PBX1: variants seen among roughly 807,000 people sequenced by gnomAD.
The protein encoded by PBX1 is pre-B-cell leukemia transcription factor 1.
PBX1 carries 6 observed loss-of-function variants against 53.4 expected under a neutral mutation model. The observed-to-expected ratio is 0.11, with a 90% CI of 0.06 to 0.22. The LOEUF is 0.22. Among genes scored for constraint, PBX1 ranks in the 10% least tolerant of loss-of-function variants. The pLI is 1.00. For missense variants in PBX1, 251 were observed against 551.4 expected (o/e 0.46, Z 5.46); for synonymous variants, 204 against 212.3 (o/e 0.96, Z 0.34).
intron 2 of PBX1, among the ~76,000 whole-genome samples, chr1:164,732,373 T>C (rs1386038346): frequency 1.3e-5 from 2 of 152,182 alleles, no homozygotes; most frequent in African/African-American, 4.8e-5. Context: ...TGCCAGTTAA[T>C]GTTTTCACTT....
intron 2 of PBX1, among the ~76,000 whole-genome samples, chr1:164,870,213 C>CT (rs1276573762): frequency 1.5e-5 from 1 of 67,734 alleles, no homozygotes; most frequent in Admixed American, 2.0e-4. Context: ...TCTTTCTTTT[C>CT]TTTCTTTCCT....
Position 164,848,240 on chromosome 1 carries a change from CAA to C in PBX1, c.*1567_*1568del, listed in dbSNP as rs1671664892. ...ATAGCATGTATATGAAAGCTATTCTCAAAAGTCACCTGAGCTCACCATCTTCA... is the reference window on the plus strand; with the variant it reads ...ATAGCATGTATATGAAAGCTATTCTCAAGTCACCTGAGCTCACCATCTTCA... On this transcript the variant is annotated 3_prime_UTR_variant, in exon 9 of 9. Transcript: ENST00000420696. 9.5e-7 allele frequency: 1 copy of C among 1,053,488 alleles called. No homozygotes were observed. The highest frequency in any genetic ancestry group is 1.7e-5 in the African/African-American group (1 of 60,428). The allele number at this position is 1,053,488 out of a possible 1,614,324, so 65.3% of individuals were successfully genotyped here.
chr1:164,792,782 A>G (rs1355191274), intron 3 of PBX1, 44 bp downstream of exon 3: 28 of 1,451,790 alleles, frequency 1.9e-5, no homozygotes, highest in Non-Finnish European at 2.5e-5. Flanking sequence ...CCCTTTAGGA[A>G]AGGGTGGAGG....
At chr1:164,830,322 A>G (rs751012104) in intron 8 of PBX1, among the ~76,000 whole-genome samples, 20 of 152,308 alleles carry the variant, frequency 1.3e-4, no homozygotes, top group Middle Eastern at 6.8e-3. Context: ...TGAAGCCACC[A>G]AAGTGGGGTG....
chr1:164,603,928 C>CTTTTTTTTTTTTTTTTTTTT (rs1557885817), intron 2 of PBX1, among the ~76,000 whole-genome samples: 1 of 48,734 alleles, frequency 2.1e-5, no homozygotes, highest in African/African-American at 9.0e-5. Flanking sequence ...TATGTCATTT[C>CTTTTTTTTTTTTTTTTTTTT]ATTTTTTTTT....
intron 3 of PBX1, among the ~76,000 whole-genome samples, chr1:164,793,386 G>A (rs1211794860): frequency 4.6e-5 from 7 of 152,104 alleles, no homozygotes; most frequent in African/African-American, 1.2e-4. Context: ...ATTCTAATCC[G>A]GGCACTCCAC....
At chr1:164,827,928 A>G (rs930850918) in intron 8 of PBX1, among the ~76,000 whole-genome samples, 4 of 152,234 alleles carry the variant, frequency 2.6e-5, no homozygotes, top group Non-Finnish European at 4.4e-5. Flanking sequence ...CAGTCAGGGT[A>G]CATTTTCCCT....
At chr1:164,752,600 T>C (rs1666294134) in intron 2 of PBX1, among the ~76,000 whole-genome samples, 1 of 152,220 alleles carries the variant, frequency 6.6e-6, no homozygotes, top group African/African-American at 2.4e-5. Context: ...TCTTTTGGTG[T>C]ATTAGGGGAA....
At chr1:164,693,364 C>T (rs114903176) in intron 2 of PBX1, among the ~76,000 whole-genome samples, 3 of 152,088 alleles carry the variant, frequency 2.0e-5, no homozygotes, top group Admixed American at 2.0e-4. Context: ...CTGGAAGGGC[C>T]GAAGAACAAA....
chr1:164,790,044 A>C (rs547861019), intron 2 of PBX1, among the ~76,000 whole-genome samples: 9 of 152,158 alleles, frequency 5.9e-5, no homozygotes, highest in Admixed American at 5.2e-4. Flanking sequence ...ATATAAAGAG[A>C]AACAACCACA....
At chr1:164,783,057 T>C (rs1479692200) in intron 2 of PBX1, among the ~76,000 whole-genome samples, 1 of 152,146 alleles carries the variant, frequency 6.6e-6, no homozygotes, top group Non-Finnish European at 1.5e-5. Flanking sequence ...ACTTCAGAAC[T>C]AAGTGGTTCC....
intron 2 of PBX1, among the ~76,000 whole-genome samples, chr1:164,628,699 A>C (rs979859612): frequency 1.3e-5 from 2 of 152,122 alleles, no homozygotes; most frequent in African/African-American, 4.8e-5. Flanking sequence ...GTATCTGTGG[A>C]GGTCCTTTAT....
intron 2 of PBX1, chr1:164,576,790 G>A (rs1654275652): frequency 6.6e-6 from 1 of 152,312 alleles, no homozygotes; most frequent in Admixed American, 6.5e-5. Flanking sequence ...TCTCAATGTG[G>A]GCTTGGAGTC....
chr1:164,561,306 A>G (rs1473410085), intron 1 of PBX1, among the ~76,000 whole-genome samples: 4 of 152,214 alleles, frequency 2.6e-5, no homozygotes, highest in African/African-American at 4.8e-5. Flanking sequence ...AAAAACATAG[A>G]TGTTATGAAT....
intron 2 of PBX1, among the ~76,000 whole-genome samples, chr1:164,738,750 A>G: frequency 6.6e-6 from 1 of 152,216 alleles, no homozygotes; most frequent in East Asian, 1.9e-4. Flanking sequence ...TGCACTATAA[A>G]GCTGTCCATG....
At chr1:164,582,185 T>C (rs1266364156) in intron 2 of PBX1, among the ~76,000 whole-genome samples, 1 of 152,188 alleles carries the variant, frequency 6.6e-6, no homozygotes, top group Non-Finnish European at 1.5e-5. Flanking sequence ...GGCCTTTTGC[T>C]AGTAAGGAAG....
intron 3 of PBX1, among the ~76,000 whole-genome samples, chr1:164,795,474 A>G (rs1668733939): frequency 6.6e-6 from 1 of 152,232 alleles, no homozygotes; most frequent in Non-Finnish European, 1.5e-5. Flanking sequence ...ATTGAGAACT[A>G]AAAAGCTCCA....
chr1:164,631,569 G>A (rs550608131), intron 2 of PBX1, among the ~76,000 whole-genome samples: 73 of 152,184 alleles, frequency 4.8e-4, no homozygotes, highest in Non-Finnish European at 1.0e-3. Context: ...TATTGGAGAA[G>A]CTCATTTCTG....
At chr1:164,658,456 T>C (rs1470133214) in intron 2 of PBX1, among the ~76,000 whole-genome samples, 1 of 152,216 alleles carries the variant, frequency 6.6e-6, no homozygotes, top group East Asian at 1.9e-4. Flanking sequence ...AGATAAAATA[T>C]TAGAGATCTA....
Sources: allele counts gnomAD v4.1 joint callset (sites outside exome capture counted in the v4.1 genomes callset), GRCh38; gene constraint gnomAD v4.1.1; transcripts MANE v1.5; gene names NCBI Gene and HGNC (gene_info 2026-07-23, HGNC 2026-07-21).